Variants in EXD2 observed in about 807,000 individuals in gnomAD.
EXD2 encodes exonuclease 3'-5' domain containing 2.
Under a neutral mutation model 62.5 loss-of-function variants are expected in EXD2, and 40 were observed. That is an observed-to-expected ratio of 0.64 (90% CI 0.50 to 0.83). The LOEUF (loss-of-function observed/expected upper bound fraction) is 0.83. Among genes scored for constraint, EXD2 ranks in the 40% least tolerant of loss-of-function variants. EXD2 has a pLI of 0.00. For missense variants in EXD2, 671 were observed against 761.8 expected (o/e 0.88, Z 1.40); for synonymous variants, 239 against 291.9 (o/e 0.82, Z 1.85).
chr14:69,217,160 C>T (rs1481635496), intron 3 of EXD2, among the ~76,000 whole-genome samples: 3 of 152,196 alleles, frequency 2.0e-5, no homozygotes, highest in African/African-American at 7.2e-5. Flanking sequence ...TCAATCAGTC[C>T]TCCTGCCTTA....
At chr14:69,213,373 C>CTT (rs150182640) in intron 3 of EXD2, among the ~76,000 whole-genome samples, 4 of 89,998 alleles carry the variant, frequency 4.4e-5, no homozygotes, top group African/African-American at 9.1e-5. Flanking sequence ...ATGCTGGGCC[C>CTT]TTTTTTTTTT....
intron 6 of EXD2, 151 bp from the exon 7 acceptor site, chr14:69,235,895 T>C (rs2043765711): frequency 1.4e-6 from 1 of 720,238 alleles, no homozygotes; most frequent in African/African-American, 1.7e-5. Flanking sequence ...GGATTAAACA[T>C]GGTTTCTCAC....
intron 3 of EXD2, among the ~76,000 whole-genome samples, chr14:69,218,865 A>G (rs920597327): frequency 1.3e-5 from 2 of 152,124 alleles, no homozygotes; most frequent in Non-Finnish European, 1.5e-5. Flanking sequence ...CCAGTGGTCT[A>G]TATCTCTGTT....
At chr14:69,204,225 G>A (rs192295773) in intron 2 of EXD2, among the ~76,000 whole-genome samples, 107 of 152,212 alleles carry the variant, frequency 7.0e-4, no homozygotes, top group South Asian at 2.5e-3. Context: ...GTACATATTC[G>A]TATAAAATTT....
chr14:69,235,726 AT>A, intron 6 of EXD2: 1 of 366,022 alleles, frequency 2.7e-6, no homozygotes, highest in East Asian at 7.0e-5. Flanking sequence ...TAATCCAGTG[AT>A]TTGGCAGTTT....
At chr14:69,237,458 C>T in intron 8 of EXD2, 117 bp from the exon 9 acceptor site, 1 of 883,542 alleles carries the variant, frequency 1.1e-6, no homozygotes, top group Non-Finnish European at 1.8e-6. Context: ...GCGGTGGTGC[C>T]CAAGGCTTCT....
intron 3 of EXD2, among the ~76,000 whole-genome samples, chr14:69,213,681 G>GT (rs1185781232): frequency 6.2e-4 from 85 of 137,172 alleles, no homozygotes; most frequent in East Asian, 2.5e-3. Context: ...CTTTTTTTTT[G>GT]TTTTTTTTTT....
chr14:69,228,748 C>T (rs2043460180), intron 3 of EXD2, 68 bp from the exon 4 acceptor site: 8 of 1,527,958 alleles, frequency 5.2e-6, no homozygotes, highest in African/African-American at 1.4e-5. Flanking sequence ...ACTTTTTTGT[C>T]ACAGTTATAT....
chr14:69,202,563 C>T (rs1016293997), intron 1 of EXD2, among the ~76,000 whole-genome samples: 3 of 151,912 alleles, frequency 2.0e-5, no homozygotes, highest in Non-Finnish European at 4.4e-5. Context: ...TCTTTTTACC[C>T]GGGGTCTATC....
Position 69,211,144 on chromosome 14 carries a change from A to G in EXD2, c.333+1341A>G, listed in dbSNP as rs1410954784. On this transcript the variant is annotated intron_variant, in intron 3 of 9. Transcript: ENST00000685843. ...TGTTTAATAGCATTTTACCCACAGT[A>G]GAACTTCTTTCAAAATTGGAGTCAG... Among the ~76,000 whole-genome samples, 13 of 152,328 alleles carry G rather than the reference A, an allele frequency of 8.5e-5. No homozygotes were observed. In the South Asian group the frequency reaches 1.2e-3, roughly 15 times the overall value.
intron 3 of EXD2, among the ~76,000 whole-genome samples, chr14:69,221,086 G>A (rs1566829939): frequency 6.6e-6 from 1 of 152,018 alleles, no homozygotes; most frequent in Admixed American, 6.5e-5. Context: ...CCAGGCTGGT[G>A]TCAAACTCCT....
At position 69,209,668 on chromosome 14, in the gene EXD2, C is replaced by T; in HGVS notation, c.198C>T (p.Pro66=). The T allele has an allele frequency of 1.3e-6, 2 of 1,550,544 alleles. No homozygotes were observed. Among genetic ancestry groups the T allele is most frequent in the Non-Finnish European group, 1.7e-6 (2 of 1,146,992 alleles). The change falls in exon 3 of 10, where the codon CCC becomes CCT. Residue 66 remains proline (P), a synonymous_variant. Coordinates refer to ENST00000685843, the MANE Select transcript of EXD2 (RefSeq NM_001193360.2). ...ATGATCAGCTGCACTCCAGTGCCCC[C>T]AGATCCTCGTGGAAGGAACGGATCC... is the stretch of plus-strand genomic sequence containing the variant. ...PEDDQLHSSA[P]RSSWKERILK...
rs141602611 is a variant in EXD2 at position 69,197,176 on chromosome 14, G to T, written c.-132+5585G>T. 2.1e-3 allele frequency among the ~76,000 whole-genome samples: 326 copies of T among 152,234 alleles called. 2 individuals carry two copies. Among genetic ancestry groups the T allele is most frequent in the African/African-American group, 7.6e-3 (315 of 41,530 alleles). On this transcript the variant is annotated intron_variant, in intron 1 of 9. Coordinates refer to ENST00000685843, the MANE Select transcript of EXD2 (RefSeq NM_001193360.2). ...TTTGAGGCTGTCGTGAGCTGTGATT[G>T]CATCACTGCACTGCAGCCTGGGCAA...
intron 1 of EXD2, among the ~76,000 whole-genome samples, chr14:69,203,476 T>G (rs1278976290): frequency 2.0e-5 from 3 of 152,132 alleles, no homozygotes; most frequent in Admixed American, 6.5e-5. Flanking sequence ...ATAAACCAGG[T>G]CACAGGAAGA....
At chr14:69,232,470 A>G (rs1169337227) in intron 5 of EXD2, among the ~76,000 whole-genome samples, 1 of 152,164 alleles carries the variant, frequency 6.6e-6, no homozygotes, top group East Asian at 1.9e-4. Context: ...GAGAAATGTT[A>G]ACTGGTTTCC....
chr14:69,208,276 T>C (rs540374729), intron 2 of EXD2, among the ~76,000 whole-genome samples: 35 of 143,140 alleles, frequency 2.4e-4, no homozygotes, highest in African/African-American at 8.5e-4. Context: ...AGTGGCACGA[T>C]CTCGGCTCAC....
In EXD2 at chr14:69,215,481, T is replaced by C. The variant is rs538700623; in HGVS notation, c.333+5678T>C. Among the ~76,000 whole-genome samples the C allele has an allele frequency of 4.6e-5, 7 of 152,226 alleles. No individual in the cohort carries two copies. The South Asian group carries it at 1.4e-3, about 31-fold the overall frequency. On this transcript the variant is annotated intron_variant, in intron 3 of 9. Transcript: ENST00000685843. ...CATGCACGCACAATTTTAACTTTTATAGATGATGCCAAACTGTTTACCAAG... is the reference window on the plus strand; with the variant it reads ...CATGCACGCACAATTTTAACTTTTACAGATGATGCCAAACTGTTTACCAAG...
chr14:69,212,491 C>T (rs930358100), intron 3 of EXD2, among the ~76,000 whole-genome samples: 1 of 151,316 alleles, frequency 6.6e-6, no homozygotes, highest in South Asian at 2.1e-4. Context: ...AATGTTTATT[C>T]GATTATTATT....
intron 6 of EXD2, among the ~76,000 whole-genome samples, chr14:69,235,341 GA>G (rs1359182624): frequency 6.6e-6 from 1 of 152,168 alleles, no homozygotes; most frequent in African/African-American, 2.4e-5. Context: ...TGTAAATGGG[GA>G]TATAATTATC....
Sources: allele counts gnomAD v4.1 joint callset (sites outside exome capture counted in the v4.1 genomes callset), GRCh38; gene constraint gnomAD v4.1.1; transcripts MANE v1.5; gene names NCBI Gene and HGNC (gene_info 2026-07-23, HGNC 2026-07-21).